Variants in KIAA1217 observed in about 807,000 individuals in gnomAD.
KIAA1217 encodes the protein KIAA1217.
KIAA1217 carries 88 observed loss-of-function variants against 163.9 expected under a neutral mutation model. That is an observed-to-expected ratio of 0.54 (90% CI 0.45 to 0.64). The LOEUF (loss-of-function observed/expected upper bound fraction) is 0.64, where lower values mean the gene tolerates loss of function less well. Among genes scored for constraint, KIAA1217 ranks in the 30% least tolerant of loss-of-function variants. The pLI is 0.00. For missense variants in KIAA1217, 2,372 were observed against 2,475.0 expected (o/e 0.96, Z 0.88); for synonymous variants, 903 against 923.1 (o/e 0.98, Z 0.39).
chr10:24,227,963 C>G (rs150794686), intron 2 of KIAA1217, among the ~76,000 whole-genome samples: 22 of 152,252 alleles, frequency 1.4e-4, no homozygotes, highest in African/African-American at 4.6e-4. Flanking sequence ...ACCATCCCCT[C>G]CTTTGAATGT....
intron 3 of KIAA1217, among the ~76,000 whole-genome samples, 155 bp downstream of exon 3, chr10:24,381,222 G>A (rs565241087): frequency 1.9e-3 from 290 of 152,302 alleles, no homozygotes; most frequent in Middle Eastern, 3.4e-3. Flanking sequence ...ATCAAGCATT[G>A]AGGATTTGCC....
At chr10:23,994,705 A>G (rs369219251) in intron 1 of KIAA1217, among the ~76,000 whole-genome samples, 23 of 151,294 alleles carry the variant, frequency 1.5e-4, no homozygotes, top group African/African-American at 4.4e-4. Flanking sequence ...TCTTGACCAA[A>G]GTCAAATCCG....
At chr10:24,063,916 G>C (rs1231065553) in intron 2 of KIAA1217, among the ~76,000 whole-genome samples, 1 of 152,178 alleles carries the variant, frequency 6.6e-6, no homozygotes, top group African/African-American at 2.4e-5. Flanking sequence ...GTGAATGGGA[G>C]TTCACTCATG....
At chr10:24,531,430 G>A (rs1209552840) in intron 14 of KIAA1217, among the ~76,000 whole-genome samples, 2 of 151,918 alleles carry the variant, frequency 1.3e-5, no homozygotes, top group African/African-American at 4.8e-5. Flanking sequence ...ATTTGCCTTT[G>A]GGCTTCAATT....
At chr10:23,722,946 C>T (rs1837947492) in intron 1 of KIAA1217, among the ~76,000 whole-genome samples, 1 of 152,148 alleles carries the variant, frequency 6.6e-6, no homozygotes, top group African/African-American at 2.4e-5. Flanking sequence ...CTGCCATATC[C>T]TGAGTGTTGG....
chr10:24,305,386 A>C (rs2132838303), intron 2 of KIAA1217, among the ~76,000 whole-genome samples: 1 of 152,326 alleles, frequency 6.6e-6, no homozygotes, highest in African/African-American at 2.4e-5. Flanking sequence ...GGAAAGGGGA[A>C]CAAGGAGAGG....
chr10:24,467,814 A>ATGTGTGTG (rs10672795), intron 5 of KIAA1217, among the ~76,000 whole-genome samples: 11 of 148,368 alleles, frequency 7.4e-5, no homozygotes, highest in South Asian at 2.1e-4. Context: ...GTGTGTGTGT[A>ATGTGTGTG]TGTGTGTGTG....
intron 1 of KIAA1217, chr10:23,877,605 G>T (rs1018548497): frequency 3.9e-5 from 6 of 151,922 alleles, no homozygotes; most frequent in African/African-American, 1.4e-4. Flanking sequence ...AATATTTATA[G>T]GTTTCCATGG....
Position 23,790,433 on chromosome 10 carries a change from A to G in KIAA1217, c.-321+95199A>G, listed in dbSNP as rs185079097. Among the ~76,000 whole-genome samples, 153 of 95,370 alleles carry G rather than the reference A, an allele frequency of 1.6e-3. 8 individuals are homozygous for G. The highest frequency in any genetic ancestry group is 0.014 in the East Asian group (52 of 3,692). The allele number at this position is 95,370 out of a possible 152,430, so 62.6% of individuals were successfully genotyped here. On this transcript the variant is annotated intron_variant, in intron 1 of 18. Transcript: ENST00000376462. The stretch of plus-strand genomic sequence containing the variant: ...CATATACATATATACATATATACAT[A>G]TACATATATACATATATACATGTGC...
chr10:24,370,139 C>T (rs2051384119), intron 2 of KIAA1217, among the ~76,000 whole-genome samples: 1 of 151,928 alleles, frequency 6.6e-6, no homozygotes, highest in African/African-American at 2.4e-5. Flanking sequence ...ATGGCGGGCG[C>T]CTGTAGTCCC....
chr10:23,912,779 G>C (rs1842489309), intron 1 of KIAA1217, among the ~76,000 whole-genome samples: 1 of 152,178 alleles, frequency 6.6e-6, no homozygotes, highest in South Asian at 2.1e-4. Flanking sequence ...CAATGAGATT[G>C]AAAGAATGAA....
intron 2 of KIAA1217, among the ~76,000 whole-genome samples, chr10:24,283,390 G>A (rs2078179593): frequency 6.6e-6 from 1 of 152,152 alleles, no homozygotes; most frequent in Non-Finnish European, 1.5e-5. Context: ...CAAACTGGCT[G>A]GGATGGTGGC....
At chr10:23,727,589 G>T (rs1588672976) in intron 1 of KIAA1217, among the ~76,000 whole-genome samples, 1 of 152,134 alleles carries the variant, frequency 6.6e-6, no homozygotes, top group East Asian at 1.9e-4. Context: ...TTGTTATGAT[G>T]CACATACATA....
intron 2 of KIAA1217, among the ~76,000 whole-genome samples, chr10:24,164,911 G>A (rs1255550289): frequency 1.3e-5 from 2 of 152,178 alleles, no homozygotes; most frequent in African/African-American, 4.8e-5. Context: ...ACTCTCCCCT[G>A]GAGACAGGAA....
At chr10:23,940,587 T>C (rs1843728163) in intron 1 of KIAA1217, among the ~76,000 whole-genome samples, 1 of 152,090 alleles carries the variant, frequency 6.6e-6, no homozygotes, top group Non-Finnish European at 1.5e-5. Context: ...TCAATTAAAT[T>C]GACCTAAGGA....
At chr10:24,381,310 C>A (rs555060499) in intron 3 of KIAA1217, among the ~76,000 whole-genome samples, 4 of 152,258 alleles carry the variant, frequency 2.6e-5, no homozygotes, top group African/African-American at 9.6e-5. Flanking sequence ...GCAATTCAAG[C>A]CAAGAGGCTA....
At chr10:23,882,020 C>T (rs1220558776) in intron 1 of KIAA1217, among the ~76,000 whole-genome samples, 1 of 146,212 alleles carries the variant, frequency 6.8e-6, no homozygotes, top group Non-Finnish European at 1.5e-5. Context: ...TTCACAATTC[C>T]GTAAAATAGA....
chr10:23,957,880 CA>C (rs1251378195), intron 1 of KIAA1217, among the ~76,000 whole-genome samples: 1 of 152,146 alleles, frequency 6.6e-6, no homozygotes, highest in African/African-American at 2.4e-5. Flanking sequence ...GCAACCCCCA[CA>C]AAAAACAAAC....
At chr10:24,175,522 C>T (rs1194508662) in intron 2 of KIAA1217, among the ~76,000 whole-genome samples, 4 of 151,996 alleles carry the variant, frequency 2.6e-5, no homozygotes, top group Non-Finnish European at 5.9e-5. Context: ...CCAATCTTAT[C>T]CAGGTTGCTG....
Sources: allele counts gnomAD v4.1 joint callset (sites outside exome capture counted in the v4.1 genomes callset), GRCh38; gene constraint gnomAD v4.1.1; transcripts MANE v1.5; gene names NCBI Gene and HGNC (gene_info 2026-07-23, HGNC 2026-07-21).